Variants in NAALADL2 observed in about 807,000 individuals in gnomAD.
The protein encoded by NAALADL2 is inactive N-acetylated-alpha-linked acidic dipeptidase-like protein 2.
Under a neutral mutation model 87.2 loss-of-function variants are expected in NAALADL2, and 76 were observed. The observed-to-expected ratio is 0.87, with a 90% CI of 0.72 to 1.05. The LOEUF is 1.05. Ranked by LOEUF, NAALADL2 falls within the 50% of genes least tolerant of loss-of-function variation. NAALADL2 has a pLI of 0.00. For synonymous variants in NAALADL2, 354 were observed against 331.0 expected (o/e 1.07, Z -0.75); for missense variants, 1,089 against 945.8 (o/e 1.15, Z -1.99).
chr3:175,059,946 A>G (rs1245729928), intron 1 of NAALADL2: 4 of 423,880 alleles, frequency 9.4e-6, no homozygotes, highest in Admixed American at 5.7e-5. Context: ...GTGGTGGCAC[A>G]TAACCTTCGA....
intron 4 of NAALADL2, among the ~76,000 whole-genome samples, chr3:175,312,995 GA>G (rs1425201892): frequency 1.3e-5 from 2 of 152,112 alleles, no homozygotes; most frequent in Non-Finnish European, 2.9e-5. Flanking sequence ...CTTAAACTAC[GA>G]AAAATTATTT....
chr3:174,481,301 G>C (rs1230456551), intron 1 of NAALADL2, among the ~76,000 whole-genome samples: 1 of 152,044 alleles, frequency 6.6e-6, no homozygotes, highest in Non-Finnish European at 1.5e-5. Context: ...ATATATTCCT[G>C]AGGTGAGAAA....
rs567143545 is a variant in NAALADL2, at chr3:174,877,166, G to A, written c.43+17716G>A. Among the ~76,000 whole-genome samples the A allele has an allele frequency of 2.0e-5, 3 of 152,050 alleles. No individual in the cohort carries two copies. In the East Asian group the frequency reaches 5.8e-4, roughly 29 times the overall value. On this transcript the variant is annotated intron_variant, in intron 1 of 13. Transcript: ENST00000454872. ...AATTGCAAAATATGCATTTTGGGGG[G>A]AGACAAACATTCAGTCCATAAGTTG...
chr3:174,894,594 C>CAAAAAAAAAAAAAAAAAAA (rs869161862), intron 1 of NAALADL2, among the ~76,000 whole-genome samples: 5 of 48,448 alleles, frequency 1.0e-4, no homozygotes, highest in Non-Finnish European at 1.4e-4. Context: ...AACTCCGTCT[C>CAAAAAAAAAAAAAAAAAAA]AAAAAAAAAA....
At chr3:174,778,584 C>T (rs931137974) in intron 3 of NAALADL2, among the ~76,000 whole-genome samples, 14 of 151,804 alleles carry the variant, frequency 9.2e-5, no homozygotes, top group Admixed American at 8.6e-4. Context: ...CTGCATAAAC[C>T]TGTCATCTAC....
chr3:174,810,099 C>G (rs1159774380), intron 3 of NAALADL2, among the ~76,000 whole-genome samples: 1 of 152,160 alleles, frequency 6.6e-6, no homozygotes, highest in Non-Finnish European at 1.5e-5. Context: ...GCCAATTAAA[C>G]CTCTTTTCTT....
In NAALADL2 at chr3:175,050,418, C is replaced by T. The variant is rs533987440; in HGVS notation, c.44-46372C>T. On this transcript the variant is annotated intron_variant, in intron 1 of 13. Transcript: ENST00000454872. ...CTGGGATCACAGGGACGCACCACCA[C>T]GTCTAGCTAATTTTTGAATTTTTAG... 1.1e-4 allele frequency among the ~76,000 whole-genome samples: 17 copies of T among 152,194 alleles called. 1 individual carries two copies. In the South Asian group the frequency reaches 1.9e-3, roughly 17 times the overall value.
At chr3:175,349,808 GA>G (rs1438038745) in intron 5 of NAALADL2, among the ~76,000 whole-genome samples, 6 of 152,098 alleles carry the variant, frequency 3.9e-5, no homozygotes, top group Non-Finnish European at 7.4e-5. Flanking sequence ...GATGAGTGCT[GA>G]AATCAAGGCC....
chr3:175,300,995 T>C (rs1417959245), intron 4 of NAALADL2, among the ~76,000 whole-genome samples: 1 of 152,010 alleles, frequency 6.6e-6, no homozygotes, highest in African/African-American at 2.4e-5. Context: ...CCTCAGGTGA[T>C]CCGCCTGCCT....
At chr3:175,535,500 A>G (rs1344325678) in intron 9 of NAALADL2, among the ~76,000 whole-genome samples, 1 of 152,170 alleles carries the variant, frequency 6.6e-6, no homozygotes, top group Non-Finnish European at 1.5e-5. Flanking sequence ...CCTAGTTTAC[A>G]TGGCCTAACA....
chr3:175,559,058 A>C (rs1015711003), intron 9 of NAALADL2, among the ~76,000 whole-genome samples: 45 of 152,228 alleles, frequency 3.0e-4, no homozygotes, highest in Non-Finnish European at 8.8e-5. Flanking sequence ...CAATATATGA[A>C]CATGGAATAT....
intron 1 of NAALADL2, among the ~76,000 whole-genome samples, chr3:174,489,564 G>A (rs1718055210): frequency 6.6e-6 from 1 of 151,956 alleles, no homozygotes; most frequent in South Asian, 2.1e-4. Flanking sequence ...CATAGCATGA[G>A]ATAAAATGTT....
chr3:174,762,255 G>A (rs1276991173), intron 3 of NAALADL2, among the ~76,000 whole-genome samples: 1 of 148,562 alleles, frequency 6.7e-6, no homozygotes, highest in African/African-American at 2.5e-5. Context: ...CCAGGTTCAC[G>A]CCATTCTCCT....
At chr3:175,793,163 C>G (rs560969723) in intron 13 of NAALADL2, among the ~76,000 whole-genome samples, 12 of 152,282 alleles carry the variant, frequency 7.9e-5, no homozygotes, top group African/African-American at 2.6e-4. Flanking sequence ...GGAACTACCT[C>G]TGGAACTTTT....
chr3:175,192,882 T>A (rs979563932), intron 2 of NAALADL2, among the ~76,000 whole-genome samples: 4 of 151,946 alleles, frequency 2.6e-5, no homozygotes, highest in African/African-American at 9.7e-5. Context: ...ATTTTACGTG[T>A]AGCCACAATA....
At chr3:174,729,867 T>C (rs1455917112) in intron 2 of NAALADL2, among the ~76,000 whole-genome samples, 4 of 151,746 alleles carry the variant, frequency 2.6e-5, no homozygotes, top group South Asian at 4.1e-4. Context: ...CAATTAGATA[T>C]GCAAAAGATG....
rs1198551462 is a variant in NAALADL2 at position 175,174,625 on chromosome 3, C to T, written c.546-59306C>T. On this transcript the variant is annotated intron_variant, in intron 2 of 13. Transcript: ENST00000454872. ...TAAGTTTAATTGGATAATTATTGGA[C>T]ATACACACATGAGTGTTATTAACCA... Among the ~76,000 whole-genome samples, 3 of 151,910 alleles carry T rather than the reference C, an allele frequency of 2.0e-5. No homozygotes were observed. The East Asian group carries it at 5.8e-4, about 29-fold the overall frequency.
At chr3:175,057,232 T>C (rs1450768047) in intron 1 of NAALADL2, among the ~76,000 whole-genome samples, 7 of 152,090 alleles carry the variant, frequency 4.6e-5, no homozygotes, top group Non-Finnish European at 1.0e-4. Context: ...ACTACGAACA[T>C]GGTAGGGCTT....
chr3:175,701,253 T>C (rs1738953816), intron 11 of NAALADL2, among the ~76,000 whole-genome samples: 1 of 152,128 alleles, frequency 6.6e-6, no homozygotes, highest in Non-Finnish European at 1.5e-5. Context: ...CATATTTGGC[T>C]TTTCCTGGTT....
Sources: gnomAD v4.1 joint callset for allele counts (sites outside exome capture counted in the v4.1 genomes callset) on GRCh38, gnomAD v4.1.1 for gene constraint, MANE v1.5 for transcripts, NCBI Gene and HGNC (gene_info 2026-07-23, HGNC 2026-07-21) for gene names.